Variants in CNTN3 observed in about 807,000 individuals in gnomAD.
CNTN3 encodes the protein contactin 3.
A neutral mutation model predicts 119.1 loss-of-function variants in CNTN3; 60 were observed. The ratio of observed to expected loss-of-function variants is 0.50; its 90% CI spans 0.41 to 0.62. CNTN3 has a LOEUF of 0.62. Among genes scored for constraint, CNTN3 ranks in the 20% least tolerant of loss-of-function variants. CNTN3 has a pLI of 0.00. For synonymous variants in CNTN3, 450 were observed against 438.7 expected (o/e 1.03, Z -0.32); for missense variants, 1,101 against 1,242.4 (o/e 0.89, Z 1.71).
intron 11 of CNTN3, among the ~76,000 whole-genome samples, chr3:74,352,983 A>C (rs1703852168): frequency 6.6e-6 from 1 of 152,140 alleles, no homozygotes; most frequent in Non-Finnish European, 1.5e-5. Flanking sequence ...TTTTGGATGA[A>C]GGGGGCAGTG....
chr3:74,471,394 T>C (rs923814252), intron 4 of CNTN3, among the ~76,000 whole-genome samples: 10 of 152,160 alleles, frequency 6.6e-5, no homozygotes, highest in African/African-American at 2.2e-4. Context: ...CATTACTGCA[T>C]TTTATCATTT....
chr3:74,276,210 A>G (rs567552920), intron 20 of CNTN3, among the ~76,000 whole-genome samples: 13 of 152,276 alleles, frequency 8.5e-5, no homozygotes, highest in African/African-American at 3.1e-4. Flanking sequence ...TCAATACTCC[A>G]TGACAGCACT....
chr3:74,286,393 A>C (rs1414114424), intron 19 of CNTN3, among the ~76,000 whole-genome samples: 3 of 152,190 alleles, frequency 2.0e-5, no homozygotes, highest in Non-Finnish European at 2.9e-5. Flanking sequence ...CAATGACAGA[A>C]GATTTAAAAA....
intron 4 of CNTN3, among the ~76,000 whole-genome samples, chr3:74,441,781 T>C (rs933671479): frequency 9.2e-5 from 14 of 152,172 alleles, no homozygotes; most frequent in African/African-American, 2.9e-4. Flanking sequence ...ATCTCAATAC[T>C]GGCAGGAGAA....
chr3:74,363,983 G>A (rs1704133362), intron 10 of CNTN3, among the ~76,000 whole-genome samples: 1 of 152,104 alleles, frequency 6.6e-6, no homozygotes, highest in South Asian at 2.1e-4. Context: ...AGTACAAGAA[G>A]AAGATCATCT....
chr3:74,330,878 T>C (rs961119604), intron 13 of CNTN3, among the ~76,000 whole-genome samples: 2 of 152,122 alleles, frequency 1.3e-5, no homozygotes, highest in Non-Finnish European at 2.9e-5. Context: ...AAAAAGCTTA[T>C]CCTTATTGAC....
At chr3:74,589,796 T>C (rs1053696333) in intron 1 of CNTN3, among the ~76,000 whole-genome samples, 37 of 151,922 alleles carry the variant, frequency 2.4e-4, no homozygotes, top group Middle Eastern at 3.4e-3. Flanking sequence ...GATGAGTTCA[T>C]GTCCTTTGTA....
intron 1 of CNTN3, among the ~76,000 whole-genome samples, chr3:74,603,102 C>T (rs1704937999): frequency 1.3e-5 from 2 of 152,116 alleles, no homozygotes; most frequent in South Asian, 4.1e-4. Context: ...TGATCTCATA[C>T]ACACAAAATA....
At chr3:74,348,818 ATGCC>A (rs1232197287) in intron 11 of CNTN3, among the ~76,000 whole-genome samples, 1 of 152,180 alleles carries the variant, frequency 6.6e-6, no homozygotes, top group Non-Finnish European at 1.5e-5. Flanking sequence ...ATGGTGGCTC[ATGCC>A]TGTAATCCTA....
chr3:74,267,473 G>T (rs114973139), intron 20 of CNTN3, 95 bp from the exon 21 acceptor site: 17,038 of 821,490 alleles, frequency 0.021, 274 homozygotes, highest in Non-Finnish European at 0.027. Flanking sequence ...GCTAGTGGAA[G>T]TAGAACGGGA....
chr3:74,448,630 C>A (rs527505072), intron 4 of CNTN3, among the ~76,000 whole-genome samples: 33 of 152,132 alleles, frequency 2.2e-4, no homozygotes, highest in African/African-American at 7.9e-4. Flanking sequence ...AGGAGAACAA[C>A]GTTGCATACA....
chr3:74,567,604 C>G (rs573165932), intron 1 of CNTN3, among the ~76,000 whole-genome samples: 9 of 152,146 alleles, frequency 5.9e-5, no homozygotes, highest in African/African-American at 1.9e-4. Context: ...AGATTTGCTA[C>G]TAGGGAGCAG....
chr3:74,406,805 A>C (rs1232311098), intron 5 of CNTN3, among the ~76,000 whole-genome samples: 1 of 152,190 alleles, frequency 6.6e-6, no homozygotes, highest in Non-Finnish European at 1.5e-5. Flanking sequence ...AAATATAAAT[A>C]ACAGCACATT....
chr3:74,491,335 C>CAA (rs35745885), intron 3 of CNTN3, among the ~76,000 whole-genome samples: 66 of 149,586 alleles, frequency 4.4e-4, no homozygotes, highest in Non-Finnish European at 6.1e-4. Context: ...ACCATCTTTA[C>CAA]AAAAAAAAAA....
intron 2 of CNTN3, among the ~76,000 whole-genome samples, chr3:74,508,339 TTC>T (rs886528042): frequency 3.9e-5 from 6 of 152,242 alleles, no homozygotes; most frequent in African/African-American, 1.4e-4. Context: ...ATTAGGCCTC[TTC>T]TCTTTATAAA....
chr3:74,411,599 G>A (rs1335396716), intron 5 of CNTN3, among the ~76,000 whole-genome samples: 1 of 152,048 alleles, frequency 6.6e-6, no homozygotes, highest in Non-Finnish European at 1.5e-5. Context: ...ACTTTTCCAT[G>A]GGGCCTATTA....
chr3:74,431,039 A>T (rs748403703), intron 4 of CNTN3, among the ~76,000 whole-genome samples: 3 of 152,092 alleles, frequency 2.0e-5, no homozygotes, highest in Non-Finnish European at 2.9e-5. Flanking sequence ...CTTAGGGAAG[A>T]ACACTCCTTC....
At chr3:74,451,463 T>C (rs1702153956) in intron 4 of CNTN3, among the ~76,000 whole-genome samples, 2 of 152,240 alleles carry the variant, frequency 1.3e-5, no homozygotes, top group Admixed American at 6.5e-5. Context: ...ATTTTGTGGG[T>C]TGCCTGTTCA....
intron 1 of CNTN3, among the ~76,000 whole-genome samples, chr3:74,568,379 T>C (rs1201468263): frequency 6.6e-6 from 1 of 152,182 alleles, no homozygotes; most frequent in Non-Finnish European, 1.5e-5. Flanking sequence ...ATATGGCACC[T>C]CCTTATTGCC....
Sources: gnomAD v4.1 joint callset for allele counts (sites outside exome capture counted in the v4.1 genomes callset) on GRCh38, gnomAD v4.1.1 for gene constraint, MANE v1.5 for transcripts, NCBI Gene and HGNC (gene_info 2026-07-23, HGNC 2026-07-21) for gene names.